The following TARBP1 variants were observed in gnomAD, a reference collection of about 807,000 sequenced individuals.
TARBP1 encodes tRNA guanosine 2 -O-methyltransferase TARBP1.
Under a neutral mutation model 178.6 loss-of-function variants are expected in TARBP1, and 144 were observed. The ratio of observed to expected loss-of-function variants is 0.81; its 90% CI spans 0.70 to 0.93. TARBP1 has a LOEUF of 0.93. Ranked by LOEUF, TARBP1 falls within the 40% of genes least tolerant of loss-of-function variation. The probability of loss-of-function intolerance (pLI) is 0.00; values close to 1 mark genes in which losing one functional copy is unlikely to be tolerated. For synonymous variants in TARBP1, 787 were observed against 781.0 expected, an observed-to-expected ratio of 1.01 and a Z score of -0.13; for missense variants, 2,067 against 2,011.7, an observed-to-expected ratio of 1.03 and a Z score of -0.53.
At chr1:234,440,179 A>G (rs1217605655) in intron 12 of TARBP1, among the ~76,000 whole-genome samples, 3 of 152,200 alleles carry the variant, frequency 2.0e-5, no homozygotes, top group African/African-American at 7.2e-5. Context: ...CAACATGCCA[A>G]AATTTGTGGG....
At chr1:234,474,914 A>G (rs1571893797) in intron 1 of TARBP1, among the ~76,000 whole-genome samples, 1 of 152,218 alleles carries the variant, frequency 6.6e-6, no homozygotes, top group African/African-American at 2.4e-5. Flanking sequence ...TGAGGTCACA[A>G]TGCAACCTGA....
intron 4 of TARBP1, 121 bp downstream of exon 4, chr1:234,467,381 G>C: frequency 1.9e-6 from 2 of 1,046,440 alleles, no homozygotes; most frequent in East Asian, 3.0e-5. Flanking sequence ...GCTGGGTTTA[G>C]AGAAATATGA....
rs759306307 is a variant in TARBP1 at position 234,430,154 on chromosome 1, T to C, written c.2542A>G (p.Asn848Asp). 28 of 1,614,038 alleles carry C rather than the reference T, an allele frequency of 1.7e-5. No individual in the cohort carries two copies. The highest frequency in any genetic ancestry group is 2.1e-5 in the Non-Finnish European group (25 of 1,180,008). The stretch of plus-strand genomic sequence containing the variant: ...GCGTGGGGCTTCTGCAGCGTCTGAT[T>C]GAGCTGAAGAGAGGAAAGGAAGCTT... Reference protein sequence around the residue: ...LESFLSSLQLNQTLQKPHAEE... With the variant: ...LESFLSSLQLDQTLQKPHAEE... Residue 848 changes from asparagine (N) to aspartate (D), a missense_variant, in exon 15 of 30, where the codon AAT (asparagine) becomes GAT (aspartate). Physicochemically the swap from Asn to Asp is conservative, Grantham distance 23. Transcript: ENST00000040877.
intron 26 of TARBP1, among the ~76,000 whole-genome samples, chr1:234,397,074 A>G (rs1181754546): frequency 1.3e-5 from 2 of 149,696 alleles, no homozygotes; most frequent in East Asian, 4.0e-4. Flanking sequence ...TCGGCTGGGG[A>G]GAGTCAGAAT....
At chr1:234,446,134 G>A (rs1467061585) in intron 12 of TARBP1, among the ~76,000 whole-genome samples, 1 of 152,058 alleles carries the variant, frequency 6.6e-6, no homozygotes, top group Non-Finnish European at 1.5e-5. Flanking sequence ...TGCTCCTCTA[G>A]AATTTTTAAA....
rs748937476 is a variant in TARBP1 at position 234,393,498 on chromosome 1, AC to A, written c.4436-13del. ...GGTCCTGCACAGTCCTGCACAGAAC[AC>A]CTGGGATCATTAAGATTGTTCCCAG... On this transcript the variant is annotated splice_polypyrimidine_tract_variant and intron_variant, in intron 27 of 29. Coordinates refer to ENST00000040877, the MANE Select transcript of TARBP1 (RefSeq NM_005646.4). The A allele has an allele frequency of 8.9e-6, 14 of 1,576,428 alleles. No individual in the cohort carries two copies. The highest frequency in any genetic ancestry group is 1.1e-5 in the Non-Finnish European group (13 of 1,160,822).
chr1:234,440,973 CA>C (rs1408756859), intron 12 of TARBP1, among the ~76,000 whole-genome samples: 1 of 152,138 alleles, frequency 6.6e-6, no homozygotes, highest in East Asian at 1.9e-4. Context: ...CGCCTGAGGT[CA>C]GGAGTTTGAG....
intron 20 of TARBP1, 121 bp downstream of exon 20, chr1:234,425,552 A>T: frequency 9.1e-7 from 1 of 1,101,700 alleles, no homozygotes; most frequent in Non-Finnish European, 1.3e-6. Flanking sequence ...AATACAGAAC[A>T]TAAACTTTGT....
chr1:234,466,603 C>G (rs138576955), intron 4 of TARBP1, among the ~76,000 whole-genome samples: 98 of 152,120 alleles, frequency 6.4e-4, no homozygotes, highest in African/African-American at 2.3e-3. Flanking sequence ...TGGTTCACAC[C>G]TGTAATCCCA....
At chr1:234,437,611 G>C (rs2273875) in intron 12 of TARBP1, among the ~76,000 whole-genome samples, 62,100 of 152,068 alleles carry the variant, frequency 0.41, 12,920 homozygotes, top group Middle Eastern at 0.56. Flanking sequence ...CCACTGAACA[G>C]AGCTATAAAA....
At chr1:234,464,588 T>C (rs1182001849) in intron 5 of TARBP1, among the ~76,000 whole-genome samples, 2 of 152,024 alleles carry the variant, frequency 1.3e-5, no homozygotes, top group East Asian at 3.8e-4. Flanking sequence ...TCAGTAGTAA[T>C]GAGTTATTTG....
In TARBP1 at chr1:234,392,414, AC is replaced by A. The variant is rs764352372; in HGVS notation, c.4697+1del. The stretch of plus-strand genomic sequence containing the variant: ...ATACTATGGACACAAGAAGCTTCTT[AC>A]CCCAACAAGAGCAGAGATTTCTCAG... On this transcript the variant is annotated splice_donor_variant, in intron 29 of 29. Coordinates refer to ENST00000040877, the MANE Select transcript of TARBP1 (RefSeq NM_005646.4). LOFTEE classifies it high-confidence loss of function. The A allele has an allele frequency of 5.6e-6, 9 of 1,613,796 alleles. No homozygotes were observed. Among genetic ancestry groups the A allele is most frequent in the Non-Finnish European group, 7.6e-6 (9 of 1,179,880 alleles).
At chr1:234,393,165 T>G (rs1053928786) in intron 28 of TARBP1, among the ~76,000 whole-genome samples, 197 bp downstream of exon 28, 3 of 152,234 alleles carry the variant, frequency 2.0e-5, no homozygotes, top group Non-Finnish European at 4.4e-5. Context: ...GTGAGCTGTA[T>G]GTTATTTTTA....
chr1:234,467,483 G>A lies in TARBP1; in HGVS notation c.1248+19C>T. The A allele has an allele frequency of 1.9e-6, 3 of 1,540,340 alleles. No homozygotes were observed. The highest frequency in any genetic ancestry group is 2.6e-6 in the Non-Finnish European group (3 of 1,148,332). On this transcript the variant is annotated intron_variant, in intron 4 of 29. Coordinates refer to ENST00000040877, the MANE Select transcript of TARBP1 (RefSeq NM_005646.4). The stretch of plus-strand genomic sequence containing the variant: ...GCCTTTCAACAATGGGAGCAAGGAA[G>A]GGGACAGGGTGTCATTACCTCAGAA...
chr1:234,426,209 G>T (rs1156720556), intron 19 of TARBP1, among the ~76,000 whole-genome samples: 2 of 152,182 alleles, frequency 1.3e-5, no homozygotes. Flanking sequence ...CACTATCGGT[G>T]CACATTCTCC....
chr1:234,439,464 A>C (rs926172241), intron 12 of TARBP1, among the ~76,000 whole-genome samples: 18 of 152,124 alleles, frequency 1.2e-4, no homozygotes, highest in South Asian at 4.1e-4. Context: ...CACACACACA[A>C]AAAAAGGCTG....
intron 22 of TARBP1, among the ~76,000 whole-genome samples, chr1:234,415,591 C>T (rs1218177960): frequency 2.6e-5 from 4 of 152,120 alleles, no homozygotes; most frequent in Non-Finnish European, 4.4e-5. Flanking sequence ...TTGCCACTAA[C>T]AAGAAGGCAC....
In TARBP1 at chr1:234,478,610, C is replaced by T. The variant is rs1229237995; in HGVS notation, c.494G>A (p.Gly165Glu). ...GCCCAGCGCCAGGGCGACGGCGGTC[C>T]CCGCCACGCGCTCCAGTAGCGGCCC... The part of the protein sequence containing the change: ...EDGPLLERVA[G>E]TAVALALGGG... The change falls in exon 1 of 30, where the codon GGG (glycine) becomes GAG (glutamate). Residue 165 changes from glycine to glutamate, a missense_variant. Physicochemically the swap from Gly to Glu is moderately conservative, Grantham distance 98. Transcript: ENST00000040877. 24 of 1,301,842 alleles carry T rather than the reference C, an allele frequency of 1.8e-5. No homozygotes were observed. The highest frequency in any genetic ancestry group is 2.2e-5 in the Non-Finnish European group (23 of 1,026,540). The allele number at this position is 1,301,842 out of a possible 1,614,324, so 80.6% of individuals were successfully genotyped here.
chr1:234,478,390 C>T lies in TARBP1; in HGVS notation c.714G>A (p.Glu238=). 3.0e-6 allele frequency: 4 copies of T among 1,343,966 alleles called. No homozygotes were observed. Among genetic ancestry groups the T allele is most frequent in the Non-Finnish European group, 3.8e-6 (4 of 1,043,736 alleles). 83.3% of individuals were successfully genotyped at this position (1,343,966 alleles called of 1,614,324 possible). A position where few individuals can be genotyped will look rare whatever the true frequency, so the allele number is the denominator to read the frequency against. Residue 238 remains glutamate (E), a synonymous_variant, in exon 1 of 30, where the codon GAG becomes GAA. Coordinates refer to ENST00000040877, the MANE Select transcript of TARBP1 (RefSeq NM_005646.4). The part of the protein sequence containing the change: ...EKLLVLSALA[E]KLLPEPGGDR... ...CGCCGCCGGGCTCGGGCAACAGCTT[C>T]TCGGCCAGGGCGCTCAGGACCAGCA...
Sources: allele counts gnomAD v4.1 joint callset (sites outside exome capture counted in the v4.1 genomes callset), GRCh38; gene constraint gnomAD v4.1.1; transcripts MANE v1.5; gene names NCBI Gene and HGNC (gene_info 2026-07-23, HGNC 2026-07-21).